ZNF606: variants seen among roughly 807,000 people sequenced by gnomAD.
ZNF606 encodes zinc finger protein 328.
A neutral mutation model predicts 74.9 loss-of-function variants in ZNF606; 37 were observed. The observed-to-expected ratio is 0.49, with a 90% CI of 0.38 to 0.65. The LOEUF is 0.65. Among genes scored for constraint, ZNF606 ranks in the 30% least tolerant of loss-of-function variants. ZNF606 has a pLI of 0.00. For synonymous variants in ZNF606, 328 were observed against 312.4 expected (o/e 1.05, Z -0.53); for missense variants, 852 against 952.9 (o/e 0.89, Z 1.39).
rs144147801 is a variant in ZNF606 at position 57,986,647 on chromosome 19, C to T, written c.400+1560G>A. 8.2e-3 allele frequency among the ~76,000 whole-genome samples: 1,250 copies of T among 152,034 alleles called. 72 individuals carry two copies. Among genetic ancestry groups the T allele is most frequent in the Admixed American group, 0.077 (1,169 of 15,254 alleles). On this transcript the variant is annotated intron_variant, in intron 6 of 6. Transcript: ENST00000551380. ...CTGCATAAAGCAATAATTATAAATC[C>T]ATATTCATGAACACACAATGTATAA...
chr19:57,999,720 A>G, intron 4 of ZNF606, 88 bp downstream of exon 4: 1 of 1,355,470 alleles, frequency 7.4e-7, no homozygotes, highest in Non-Finnish European at 1.0e-6. Context: ...CCAAACTCCA[A>G]CTGTTGTAAA....
chr19:57,992,698 G>T (rs1445517791), intron 4 of ZNF606, among the ~76,000 whole-genome samples: 1 of 152,152 alleles, frequency 6.6e-6, no homozygotes, highest in African/African-American at 2.4e-5. Flanking sequence ...CTTCCTTAAG[G>T]GTACATATCT....
chr19:57,982,568 T>C (rs540998977), intron 6 of ZNF606, among the ~76,000 whole-genome samples: 1 of 152,276 alleles, frequency 6.6e-6, no homozygotes, highest in African/African-American at 2.4e-5. Context: ...AACTAGACCT[T>C]GCCCTCTCTC....
chr19:58,002,521 C>A lies in ZNF606; in HGVS notation c.-177G>T. On this transcript the variant is annotated 5_prime_UTR_variant, in exon 1 of 7. Coordinates refer to ENST00000551380, the MANE Select transcript of ZNF606 (RefSeq NM_001348022.3). Reference sequence around the variant, plus strand: ...GGAGTGCGCTTGGGAGCTCCCGGCGCGGCCTCGGGGACAAAGGCCCGCGGA... The same window carrying A: ...GGAGTGCGCTTGGGAGCTCCCGGCGAGGCCTCGGGGACAAAGGCCCGCGGA... 2 of 433,416 alleles carry A rather than the reference C, an allele frequency of 4.6e-6. No individual in the cohort carries two copies. The highest frequency in any genetic ancestry group is 3.3e-5 in the South Asian group (2 of 61,306). The allele number at this position is 433,416 out of a possible 1,614,324, so 26.8% of individuals were successfully genotyped here.
chr19:57,998,984 C>T lies in ZNF606; in HGVS notation c.177+824G>A, dbSNP rs142195867. 70 of 152,784 alleles carry T rather than the reference C, an allele frequency of 4.6e-4. No homozygotes were observed. The East Asian group carries it at 0.012, about 26-fold the overall frequency. The allele number at this position is 152,784 out of a possible 1,614,324, so 9.5% of individuals were successfully genotyped here. A position where few individuals can be genotyped will look rare whatever the true frequency, so the allele number is the denominator to read the frequency against. Reference sequence around the variant, plus strand: ...CCTCTTCTTTCCACACCCATCACCACATTTTGGACCCTGGTGCCGCCTGAT... The same window carrying T: ...CCTCTTCTTTCCACACCCATCACCATATTTTGGACCCTGGTGCCGCCTGAT... On this transcript the variant is annotated intron_variant, in intron 4 of 6. Coordinates refer to ENST00000551380, the MANE Select transcript of ZNF606 (RefSeq NM_001348022.3).
chr19:57,978,680 A>G lies in ZNF606; in HGVS notation c.2000T>C (p.Leu667Pro), dbSNP rs145490639. 6.2e-7 allele frequency: 1 copy of G among 1,614,176 alleles called. No homozygotes were observed. The highest frequency in any genetic ancestry group is 1.3e-5 in the African/African-American group (1 of 75,064). The change falls in exon 7 of 7, where the codon CTT (leucine) becomes CCT (proline). Residue 667 changes from leucine (L) to proline (P), a missense_variant. Coordinates refer to ENST00000551380, the MANE Select transcript of ZNF606 (RefSeq NM_001348022.3). The surrounding 1 kb of genome is among the most constrained non-coding windows in gnomAD (Gnocchi z 4.4). ...CGKSFSQSCH[L>P]VAHRRIHTGE... ...AGTGTGAATTCTCCGATGAGCAACAAGGTGACAGCTCTGACTGAAGGATTT... is the reference window on the plus strand; with the variant it reads ...AGTGTGAATTCTCCGATGAGCAACAGGGTGACAGCTCTGACTGAAGGATTT...
intron 4 of ZNF606, among the ~76,000 whole-genome samples, chr19:57,995,163 C>T (rs2073315660): frequency 6.9e-6 from 1 of 144,828 alleles, no homozygotes; most frequent in Admixed American, 7.1e-5. Flanking sequence ...GCACTGCAGC[C>T]TGGGCAACAG....
chr19:57,988,172 G>A (rs778862706), intron 6 of ZNF606, 35 bp downstream of exon 6: 12 of 1,568,216 alleles, frequency 7.7e-6, no homozygotes, highest in East Asian at 2.3e-5. Flanking sequence ...GGGCTTGGGG[G>A]GAAGTTCCTT....
intron 4 of ZNF606, chr19:57,997,748 C>T (rs1035671756): frequency 6.6e-6 from 1 of 152,270 alleles, no homozygotes; most frequent in Non-Finnish European, 1.5e-5. Flanking sequence ...CAGCTAACTT[C>T]TACTCCTCAG....
chr19:57,987,710 C>T (rs1449095990), intron 6 of ZNF606, among the ~76,000 whole-genome samples: 3 of 152,160 alleles, frequency 2.0e-5, no homozygotes, highest in South Asian at 2.1e-4. Flanking sequence ...TGCCTGTAAT[C>T]CCAGCTACTC....
At chr19:58,002,206 TCTGA>T in intron 1 of ZNF606, 186 bp downstream of exon 1, 1 of 456,810 alleles carries the variant, frequency 2.2e-6, no homozygotes, top group South Asian at 1.5e-5. Flanking sequence ...CCAACCCAGG[TCTGA>T]CGTCCTTCAC....
At chr19:57,998,768 G>A (rs1375693071) in intron 4 of ZNF606, 2 of 152,208 alleles carry the variant, frequency 1.3e-5, no homozygotes, top group African/African-American at 2.4e-5. Context: ...TGCATCTGGT[G>A]AGGAGGCTGG....
intron 4 of ZNF606, among the ~76,000 whole-genome samples, chr19:57,996,094 G>T (rs2073338434): frequency 6.6e-6 from 1 of 152,076 alleles, no homozygotes; most frequent in African/African-American, 2.4e-5. Flanking sequence ...TGAAAAAGGG[G>T]ACATTTTCAA....
intron 6 of ZNF606, among the ~76,000 whole-genome samples, chr19:57,982,757 C>T (rs1364106471): frequency 6.6e-6 from 1 of 152,114 alleles, no homozygotes; most frequent in African/African-American, 2.4e-5. Flanking sequence ...CCTCAGCCTT[C>T]CGAGTAACAG....
chr19:57,994,888 G>A (rs1216691754), intron 4 of ZNF606, among the ~76,000 whole-genome samples: 1 of 152,068 alleles, frequency 6.6e-6, no homozygotes, highest in Non-Finnish European at 1.5e-5. Flanking sequence ...TAGTAACACT[G>A]AAAGTATATA....
In ZNF606 at chr19:57,978,064, A is replaced by C. The variant is rs2073016434; in HGVS notation, c.*237T>G. ...TGAATTACTGGTAGACCATAAGGGG[A>C]GTTTAGAGTTTCCTTCATTGTTAAT... On this transcript the variant is annotated 3_prime_UTR_variant, in exon 7 of 7. Transcript: ENST00000551380. The surrounding 1 kb of genome is among the most constrained non-coding windows in gnomAD (Gnocchi z 4.4). 1 of 365,916 alleles carries C rather than the reference A, an allele frequency of 2.7e-6. No individual in the cohort carries two copies. Among genetic ancestry groups the C allele is most frequent in the African/African-American group, 2.1e-5 (1 of 47,582 alleles). 22.7% of individuals were successfully genotyped at this position (365,916 alleles called of 1,614,324 possible). A position where few individuals can be genotyped will look rare whatever the true frequency, so the allele number is the denominator to read the frequency against.
chr19:57,979,498 G>C lies in ZNF606; in HGVS notation c.1182C>G (p.Tyr394Ter). ...TGTAGTCATAGGGTTTCTCTGCAGT[G>C]TAAGTGCTTGTATGTTGAGTAAGGA... ...DSFLTQHTSTYTAEKPYDYNE... is the reference protein window; with the variant it reads ...DSFLTQHTST The change falls in exon 7 of 7, where the codon TAC becomes TAG. Residue 394 changes from tyrosine (Y) to a stop codon, truncating the protein, a stop_gained. Transcript: ENST00000551380. LOFTEE classifies it high-confidence loss of function. The C allele has an allele frequency of 6.2e-7, 1 of 1,614,050 alleles. No individual in the cohort carries two copies. Among genetic ancestry groups the C allele is most frequent in the Non-Finnish European group, 8.5e-7 (1 of 1,179,984 alleles).
Position 57,979,459 on chromosome 19 carries a change from C to A in ZNF606, c.1221G>T (p.Thr407=). 6.2e-7 allele frequency: 1 copy of A among 1,614,118 alleles called. No homozygotes were observed. The highest frequency in any genetic ancestry group is 1.3e-5 in the African/African-American group (1 of 75,042). The part of the protein sequence containing the change: ...EKPYDYNECG[T]SFIWSSYLIQ... ...TAAGGTAAGAGCTCCAGATGAAAGACGTCCCACATTCATTGTAGTCATAGG... is the reference window on the plus strand; with the variant it reads ...TAAGGTAAGAGCTCCAGATGAAAGAAGTCCCACATTCATTGTAGTCATAGG... The change falls in exon 7 of 7, where the codon ACG becomes ACT. Residue 407 remains threonine (T), a synonymous_variant. Coordinates refer to ENST00000551380, the MANE Select transcript of ZNF606 (RefSeq NM_001348022.3).
intron 3 of ZNF606, 39 bp from the exon 4 acceptor site, chr19:57,999,935 T>TG: frequency 6.3e-7 from 1 of 1,596,422 alleles, no homozygotes; most frequent in Non-Finnish European, 8.6e-7. Context: ...CAGCTCTCGC[T>TG]GCCAGGAGCT....
Sources: allele counts gnomAD v4.1 joint callset (sites outside exome capture counted in the v4.1 genomes callset), GRCh38; gene constraint gnomAD v4.1.1; non-coding constraint Gnocchi (gnomAD v3.1); transcripts MANE v1.5; gene names NCBI Gene and HGNC (gene_info 2026-07-23, HGNC 2026-07-21).